RGPD5: variants seen among roughly 807,000 people sequenced by gnomAD.
RGPD5 encodes RANBP2 like and GRIP domain containing 5.
the RGPD5 span, among the ~76,000 whole-genome samples, chr2:109,763,570 A>C: frequency 2.0e-5 from 3 of 149,974 alleles, no homozygotes; most frequent in African/African-American, 4.9e-5. Flanking sequence ...TAAAATAACA[A>C]AGAGAGAGAG....
chr2:109,773,067 A>G, the RGPD5 span, among the ~76,000 whole-genome samples: 1 of 152,252 alleles, frequency 6.6e-6, no homozygotes, highest in Non-Finnish European at 1.5e-5. Context: ...GAAGTTTACT[A>G]AAGATCCTGA....
At chr2:109,761,583 C>T in the RGPD5 span, among the ~76,000 whole-genome samples, 1 of 148,234 alleles carries the variant, frequency 6.7e-6, no homozygotes, top group Non-Finnish European at 1.5e-5. Flanking sequence ...ATTCCAGTTG[C>T]GGGTGTCTTA....
chr2:109,765,341 A>G, the RGPD5 span, among the ~76,000 whole-genome samples: 2 of 149,650 alleles, frequency 1.3e-5, no homozygotes, highest in African/African-American at 4.9e-5. Context: ...GCTTATTACT[A>G]TGTGTGATAC....
chr2:109,766,884 A>T, the RGPD5 span, among the ~76,000 whole-genome samples: 2 of 149,596 alleles, frequency 1.3e-5, no homozygotes, highest in Non-Finnish European at 3.0e-5. Flanking sequence ...TGGTAACATA[A>T]TTTTTTTGTT....
the RGPD5 span, among the ~76,000 whole-genome samples, chr2:109,763,179 T>G: frequency 2.4e-4 from 36 of 150,008 alleles, 1 homozygote; most frequent in African/African-American, 8.6e-4. Context: ...GTTAAATGAC[T>G]TTACTGAGGT....
intron 1 of RGPD5, among the ~76,000 whole-genome samples, chr2:109,799,201 C>T (rs1427760456): frequency 0.013 from 1,287 of 99,970 alleles, no homozygotes; most frequent in Non-Finnish European, 0.019. Context: ...ATCGAGCCAC[C>T]GCACTCCAGC....
At chr2:109,762,459 A>T in the RGPD5 span, among the ~76,000 whole-genome samples, 1 of 148,694 alleles carries the variant, frequency 6.7e-6, no homozygotes, top group Non-Finnish European at 1.5e-5. Context: ...GTATATTTTT[A>T]TGCTGCTTGT....
At chr2:109,764,605 C>T in the RGPD5 span, among the ~76,000 whole-genome samples, 11 of 149,054 alleles carry the variant, frequency 7.4e-5, no homozygotes, top group African/African-American at 2.2e-4. Flanking sequence ...GTTTTCAACA[C>T]TGGTGATTCA....
chr2:109,774,532 T>A, the RGPD5 span, among the ~76,000 whole-genome samples: 2 of 91,686 alleles, frequency 2.2e-5, no homozygotes, highest in African/African-American at 1.2e-4. Flanking sequence ...TTATATATAT[T>A]ATATATAAAA....
chr2:109,765,558 C>A, the RGPD5 span, among the ~76,000 whole-genome samples: 1 of 150,090 alleles, frequency 6.7e-6, no homozygotes, highest in Non-Finnish European at 1.5e-5. Flanking sequence ...ATGGGCACAT[C>A]CTGTTGAAAG....
the RGPD5 span, among the ~76,000 whole-genome samples, chr2:109,760,949 G>A: frequency 4.6e-5 from 6 of 129,750 alleles, 2 homozygotes; most frequent in Admixed American, 3.2e-4. Context: ...ATGCGTGGCC[G>A]CCTGCCTGTC....
At chr2:109,760,671 T>TCGGCGGCGGCGGCGGTAG in the RGPD5 span, among the ~76,000 whole-genome samples, 1 of 126,312 alleles carries the variant, frequency 7.9e-6, no homozygotes, top group Non-Finnish European at 1.7e-5. Flanking sequence ...GGCCCGAGCT[T>TCGGCGGCGGCGGCGGTAG]CGGCGGCGGC....
chr2:109,774,522 T>TAA, the RGPD5 span, among the ~76,000 whole-genome samples: 2 of 83,306 alleles, frequency 2.4e-5, no homozygotes, highest in Non-Finnish European at 4.0e-5. Context: ...ATAATATATA[T>TAA]TATATATATT....
the RGPD5 span, among the ~76,000 whole-genome samples, chr2:109,763,608 T>C: frequency 6.7e-6 from 1 of 150,076 alleles, no homozygotes; most frequent in Non-Finnish European, 1.5e-5. Context: ...ATTAAAAATT[T>C]GAAAATAAAC....
At chr2:109,763,060 C>T in the RGPD5 span, among the ~76,000 whole-genome samples, 6 of 149,806 alleles carry the variant, frequency 4.0e-5, no homozygotes, top group Non-Finnish European at 7.4e-5. Flanking sequence ...TTCTGTGTGT[C>T]CAGTATTTTC....
the RGPD5 span, among the ~76,000 whole-genome samples, chr2:109,780,148 G>GTTAGTCTGTTCACTGCCATC: frequency 1.0e-5 from 1 of 95,672 alleles, no homozygotes; most frequent in Non-Finnish European, 1.9e-5. Context: ...TCAAATCATA[G>GTTAGTCTGTTCACTGCCATC]TTAGTCTGTT....
In RGPD5 at chr2:109,794,584, GGGC is replaced by G. The variant is rs1306931180; in HGVS notation, c.72+71_72+73del. On this transcript the variant is annotated intron_variant, in intron 1 of 22. Transcript: ENST00000016946. ...CGACGGCGGCCTCGACCCGGCCGGGGGGCGGCGGCGGCGGCGGCGGCGGCGGGG... is the reference window on the plus strand; with the variant it reads ...CGACGGCGGCCTCGACCCGGCCGGGGGGCGGCGGCGGCGGCGGCGGCGGGG... 2,323 of 854,262 alleles carry G rather than the reference GGGC, an allele frequency of 2.7e-3. 23 individuals carry two copies. Among genetic ancestry groups the G allele is most frequent in the African/African-American group, 0.017 (681 of 39,402 alleles). 52.9% of individuals were successfully genotyped at this position (854,262 alleles called of 1,614,324 possible).
At chr2:109,764,526 C>T in the RGPD5 span, among the ~76,000 whole-genome samples, 7 of 149,512 alleles carry the variant, frequency 4.7e-5, no homozygotes, top group Non-Finnish European at 1.0e-4. Flanking sequence ...ATGAGTAAGG[C>T]GTAGGTTGTA....
the RGPD5 span, among the ~76,000 whole-genome samples, chr2:109,769,976 TAC>T: frequency 8.0e-6 from 1 of 124,766 alleles, no homozygotes; most frequent in Non-Finnish European, 1.7e-5. Flanking sequence ...ATCAAATTAA[TAC>T]AGTTTCTTTT....
Sources: gnomAD v4.1 joint callset for allele counts (sites outside exome capture counted in the v4.1 genomes callset) on GRCh38, gnomAD v4.1.1 for gene constraint, MANE v1.5 for transcripts, NCBI Gene and HGNC (gene_info 2026-07-23, HGNC 2026-07-21) for gene names.